PSMD14: variants seen among roughly 807,000 people sequenced by gnomAD.
PSMD14 encodes the protein ubiquitin C-terminal hydrolase PSMD14.
A neutral mutation model predicts 41.2 loss-of-function variants in PSMD14; 7 were observed. The ratio of observed to expected loss-of-function variants is 0.17; its 90% CI spans 0.10 to 0.32. The LOEUF is 0.32. Among genes scored for constraint, PSMD14 ranks in the 10% least tolerant of loss-of-function variants. The pLI is 1.00. For synonymous variants in PSMD14, 114 were observed against 122.3 expected, an observed-to-expected ratio of 0.93 and a Z score of 0.45; for missense variants, 139 against 375.6, an observed-to-expected ratio of 0.37 and a Z score of 5.21.
At chr2:161,325,904 G>T (rs181761854) in intron 3 of PSMD14, among the ~76,000 whole-genome samples, 1 of 152,104 alleles carries the variant, frequency 6.6e-6, no homozygotes, top group South Asian at 2.1e-4. Flanking sequence ...AGAAGGAGAG[G>T]CCTGTTCATT....
chr2:161,326,138 A>G (rs920182935), intron 3 of PSMD14, among the ~76,000 whole-genome samples: 2 of 152,086 alleles, frequency 1.3e-5, no homozygotes, highest in Admixed American at 6.5e-5. Flanking sequence ...CCTGGACTCA[A>G]GAGATTCTTC....
At chr2:161,330,637 T>C (rs903363329) in intron 3 of PSMD14, among the ~76,000 whole-genome samples, 2 of 152,176 alleles carry the variant, frequency 1.3e-5, no homozygotes, top group Non-Finnish European at 2.9e-5. Flanking sequence ...GGTGGTTCTC[T>C]GTGGGATGTT....
intron 1 of PSMD14, among the ~76,000 whole-genome samples, chr2:161,311,629 T>C (rs1340623532): frequency 7.1e-6 from 1 of 141,742 alleles, no homozygotes; most frequent in Non-Finnish European, 1.5e-5. Context: ...CTCTTCCTTT[T>C]TTTTTTTTTT....
At chr2:161,315,892 G>A (rs2105229386) in intron 1 of PSMD14, among the ~76,000 whole-genome samples, 1 of 146,006 alleles carries the variant, frequency 6.8e-6, no homozygotes, top group South Asian at 2.1e-4. Context: ...TGCCCAGGCT[G>A]GAGTGCAATG....
In PSMD14 at chr2:161,367,740, C is replaced by G. The variant is rs1230106670; in HGVS notation, c.121-44C>G. On this transcript the variant is annotated intron_variant, in intron 4 of 11. Transcript: ENST00000409682. The stretch of plus-strand genomic sequence containing the variant: ...TGTTTTATAAAGAAGAACCAGAGAC[C>G]TCAACGAAATTTGCTTTGTGTCCAC... The G allele has an allele frequency of 6.9e-6, 11 of 1,595,908 alleles. No homozygotes were observed. The East Asian group carries it at 2.5e-4, about 36-fold the overall frequency.
intron 3 of PSMD14, among the ~76,000 whole-genome samples, chr2:161,342,631 A>G (rs115070554): frequency 6.6e-6 from 1 of 150,728 alleles, no homozygotes; most frequent in African/African-American, 2.4e-5. Context: ...TTTTTTTTTT[A>G]AAATCCAGTC....
intron 7 of PSMD14, among the ~76,000 whole-genome samples, chr2:161,371,576 A>G (rs1343480029): frequency 6.6e-6 from 1 of 152,152 alleles, no homozygotes; most frequent in Non-Finnish European, 1.5e-5. Context: ...TTTGAATTTC[A>G]TAAAATTAGG....
At chr2:161,395,911 G>A (rs545243711) in intron 10 of PSMD14, among the ~76,000 whole-genome samples, 37 of 152,166 alleles carry the variant, frequency 2.4e-4, no homozygotes, top group Non-Finnish European at 4.4e-4. Context: ...TTCATATTCA[G>A]ATTGTCCACA....
At chr2:161,382,325 G>T (rs1019093618) in intron 7 of PSMD14, 1 of 151,760 alleles carries the variant, frequency 6.6e-6, no homozygotes, top group Non-Finnish European at 1.5e-5. Context: ...GACCAAAGGT[G>T]CTATTAAAGA....
At chr2:161,333,737 A>G (rs1356124351) in intron 3 of PSMD14, among the ~76,000 whole-genome samples, 1 of 152,246 alleles carries the variant, frequency 6.6e-6, no homozygotes, top group Non-Finnish European at 1.5e-5. Flanking sequence ...ATTTTTAAAA[A>G]GATTATGTTA....
intron 6 of PSMD14, 35 bp from the exon 7 acceptor site, chr2:161,371,132 TTGTTC>T (rs770376335): frequency 1.3e-6 from 2 of 1,590,038 alleles, no homozygotes; most frequent in Non-Finnish European, 1.7e-6. Context: ...AATGTATTAC[TTGTTC>T]TGTTCTGAGC....
At chr2:161,311,755 C>T (rs1340543053) in intron 1 of PSMD14, among the ~76,000 whole-genome samples, 1 of 149,384 alleles carries the variant, frequency 6.7e-6, no homozygotes, top group African/African-American at 2.5e-5. Flanking sequence ...GCTGGGATTA[C>T]AGGTGCCTGC....
intron 3 of PSMD14, among the ~76,000 whole-genome samples, chr2:161,343,666 A>G (rs1682999136): frequency 6.6e-6 from 1 of 152,200 alleles, no homozygotes; most frequent in Non-Finnish European, 1.5e-5. Flanking sequence ...TGTCTATTCT[A>G]AAAATACAAA....
intron 3 of PSMD14, among the ~76,000 whole-genome samples, chr2:161,365,020 C>T (rs1004509710): frequency 9.2e-5 from 14 of 152,094 alleles, no homozygotes; most frequent in African/African-American, 3.1e-4. Flanking sequence ...CAGGAAGAGA[C>T]GCTGGAACCC....
chr2:161,340,961 A>C (rs1574121983), intron 3 of PSMD14: 1 of 1,612,178 alleles, frequency 6.2e-7, no homozygotes, highest in Non-Finnish European at 8.5e-7. Context: ...GCCCCTTCTC[A>C]CCATCCAAGT....
chr2:161,356,867 T>TATTTTACA, intron 3 of PSMD14, among the ~76,000 whole-genome samples: 1 of 151,986 alleles, frequency 6.6e-6, no homozygotes, highest in East Asian at 1.9e-4. Context: ...TGATGCTATT[T>TATTTTACA]ATTTTACATT....
At chr2:161,406,993 T>C (rs1683956224) in intron 10 of PSMD14, among the ~76,000 whole-genome samples, 1 of 152,124 alleles carries the variant, frequency 6.6e-6, no homozygotes, top group Non-Finnish European at 1.5e-5. Flanking sequence ...CCCTAATAAC[T>C]GTTTTGTACA....
At chr2:161,340,872 TG>T (rs1289117435) in intron 3 of PSMD14, 1 of 1,613,850 alleles carries the variant, frequency 6.2e-7, no homozygotes, top group African/African-American at 1.3e-5. Flanking sequence ...CTTCTCGTAC[TG>T]GTTTCCCCTC....
Position 161,349,777 on chromosome 2 carries a change from G to A in PSMD14, c.49-17701G>A, listed in dbSNP as rs138003760. Among the ~76,000 whole-genome samples, 514 of 152,336 alleles carry A rather than the reference G, an allele frequency of 3.4e-3. 2 individuals are homozygous for A. Among genetic ancestry groups the A allele is most frequent in the Admixed American group, 5.4e-3 (82 of 15,300 alleles). ...GGAGAGTCTGCTGTGAGCCAGACGA[G>A]CAGGGTGGGGTTGGAGAGACCAGCA... On this transcript the variant is annotated intron_variant, in intron 3 of 11. Transcript: ENST00000409682.
Sources: gnomAD v4.1 joint callset for allele counts (sites outside exome capture counted in the v4.1 genomes callset) on GRCh38, gnomAD v4.1.1 for gene constraint, MANE v1.5 for transcripts, NCBI Gene and HGNC (gene_info 2026-07-23, HGNC 2026-07-21) for gene names.